CNTNAP5: variants seen among roughly 807,000 people sequenced by gnomAD.
CNTNAP5 encodes contactin-associated protein-like 5.
CNTNAP5 carries 72 observed loss-of-function variants against 150.2 expected under a neutral mutation model. The ratio of observed to expected loss-of-function variants is 0.48; its 90% CI spans 0.40 to 0.58. The LOEUF (loss-of-function observed/expected upper bound fraction) is 0.58, where lower values mean the gene tolerates loss of function less well. CNTNAP5 is among the 20% of genes least tolerant of loss of function. The pLI, the probability that CNTNAP5 is intolerant of heterozygous loss-of-function variation, is 0.00. For synonymous variants in CNTNAP5, 672 were observed against 619.8 expected, an observed-to-expected ratio of 1.08 and a Z score of -1.25; for missense variants, 1,636 against 1,626.2, an observed-to-expected ratio of 1.01 and a Z score of -0.10.
At chr2:124,853,576 T>TG (rs1677275510) in intron 19 of CNTNAP5, among the ~76,000 whole-genome samples, 1 of 152,232 alleles carries the variant, frequency 6.6e-6, no homozygotes, top group Non-Finnish European at 1.5e-5. Flanking sequence ...TATATCACTT[T>TG]TTGTTTTCCA....
At chr2:124,159,682 G>A (rs1684628744) in intron 1 of CNTNAP5, among the ~76,000 whole-genome samples, 1 of 152,126 alleles carries the variant, frequency 6.6e-6, no homozygotes, top group Admixed American at 6.5e-5. Flanking sequence ...GAAATTCTGT[G>A]ATTTCAGCAT....
intron 2 of CNTNAP5, among the ~76,000 whole-genome samples, chr2:124,233,949 T>C (rs1686685269): frequency 6.6e-6 from 1 of 151,928 alleles, no homozygotes; most frequent in African/African-American, 2.4e-5. Context: ...TAAAAGAAAA[T>C]TGCTCCAAGA....
chr2:124,035,827 G>C (rs1237024869), intron 1 of CNTNAP5, among the ~76,000 whole-genome samples: 1 of 149,240 alleles, frequency 6.7e-6, no homozygotes, highest in Non-Finnish European at 1.5e-5. Flanking sequence ...ATGTTTTCCA[G>C]TATTCCTGTG....
intron 3 of CNTNAP5, among the ~76,000 whole-genome samples, chr2:124,294,963 G>A (rs1251481051): frequency 3.3e-5 from 5 of 152,132 alleles, no homozygotes; most frequent in African/African-American, 1.2e-4. Flanking sequence ...AAAACTAGCT[G>A]GGTGTGGTGG....
rs572282892 is a variant in CNTNAP5 at position 124,707,349 on chromosome 2, C to G, written c.2078-39880C>G. On this transcript the variant is annotated intron_variant, in intron 13 of 23. Transcript: ENST00000682447. ...ATTCCTTCAAAAATTTCCATTAGAA[C>G]TTGAAATTGAGTTTTTTGTTTGTTT... Among the ~76,000 whole-genome samples the G allele has an allele frequency of 2.6e-5, 4 of 152,188 alleles. No individual in the cohort carries two copies. In the East Asian group the frequency reaches 5.8e-4, roughly 22 times the overall value.
rs1553427433 is a variant in CNTNAP5 at position 124,653,915 on chromosome 2, C to CCG, written c.2077+5958_2077+5959insGC. Among the ~76,000 whole-genome samples, 11 of 134,428 alleles carry CCG rather than the reference C, an allele frequency of 8.2e-5. 3 individuals are homozygous for CCG. Among genetic ancestry groups the CCG allele is most frequent in the African/African-American group, 2.0e-4 (7 of 35,696 alleles). 88.2% of individuals were successfully genotyped at this position (134,428 alleles called of 152,430 possible). A position where few individuals can be genotyped will look rare whatever the true frequency, so the allele number is the denominator to read the frequency against. ...AACATGCCCCCACTGCCCCCAACCC[C>CCG]CCCCCCCCGCCACACACACACAATC... is the stretch of plus-strand genomic sequence containing the variant. On this transcript the variant is annotated intron_variant, in intron 13 of 23. Coordinates refer to ENST00000682447, the MANE Select transcript of CNTNAP5 (RefSeq NM_001367498.1).
At chr2:124,859,776 G>A (rs1173881114) in intron 19 of CNTNAP5, among the ~76,000 whole-genome samples, 1 of 152,020 alleles carries the variant, frequency 6.6e-6, no homozygotes, top group Non-Finnish European at 1.5e-5. Flanking sequence ...GGATGAAGCT[G>A]GAAACCATCA....
At chr2:124,587,511 AT>A (rs1292995085) in intron 11 of CNTNAP5, among the ~76,000 whole-genome samples, 1 of 152,202 alleles carries the variant, frequency 6.6e-6, no homozygotes, top group African/African-American at 2.4e-5. Context: ...TCTAGTGTGC[AT>A]AAATATGTCC....
chr2:124,084,393 A>G (rs1320452714), intron 1 of CNTNAP5, among the ~76,000 whole-genome samples: 1 of 151,850 alleles, frequency 6.6e-6, no homozygotes, highest in Non-Finnish European at 1.5e-5. Flanking sequence ...CAGTCCCCCA[A>G]GTAGCTGGGA....
intron 13 of CNTNAP5, among the ~76,000 whole-genome samples, chr2:124,718,234 A>T (rs942245114): frequency 6.6e-6 from 1 of 152,220 alleles, no homozygotes; most frequent in Admixed American, 6.5e-5. Flanking sequence ...AAGTATTATT[A>T]TTCATTAATT....
At position 124,328,208 on chromosome 2, in the gene CNTNAP5, C is replaced by T. The variant is rs1573918924; in HGVS notation, c.381+85815C>T. On this transcript the variant is annotated intron_variant, in intron 3 of 23. Coordinates refer to ENST00000682447, the MANE Select transcript of CNTNAP5 (RefSeq NM_001367498.1). ...TTATCATATATAAGATAAATGAGTT[C>T]TAGCAAGTTGGTACTTTAGAGTAAA... Among the ~76,000 whole-genome samples the T allele has an allele frequency of 4.6e-5, 7 of 151,810 alleles. No individual in the cohort carries two copies. In the South Asian group the frequency reaches 1.2e-3, roughly 27 times the overall value.
intron 3 of CNTNAP5, among the ~76,000 whole-genome samples, chr2:124,399,760 C>T (rs931243612): frequency 6.6e-6 from 1 of 152,078 alleles, no homozygotes; most frequent in Non-Finnish European, 1.5e-5. Context: ...TCATATGCTG[C>T]CCATTCACTC....
chr2:124,777,483 A>C (rs1342504508), intron 17 of CNTNAP5, among the ~76,000 whole-genome samples: 1 of 152,004 alleles, frequency 6.6e-6, no homozygotes, highest in Non-Finnish European at 1.5e-5. Context: ...CCCGGGTACA[A>C]GCAATTCTCT....
Position 124,028,416 on chromosome 2 carries a change from T to C in CNTNAP5, c.82+2684T>C, listed in dbSNP as rs532254884. On this transcript the variant is annotated intron_variant, in intron 1 of 23. Transcript: ENST00000682447. ...TGAATGCTTGCCCAATTATAGATTTTATAAGTTTCTAATTAAACAAAATTA... is the reference window on the plus strand; with the variant it reads ...TGAATGCTTGCCCAATTATAGATTTCATAAGTTTCTAATTAAACAAAATTA... 7.4e-4 allele frequency among the ~76,000 whole-genome samples: 112 copies of C among 152,262 alleles called. 1 individual carries two copies. Among genetic ancestry groups the C allele is most frequent in the Admixed American group, 1.8e-3 (27 of 15,286 alleles).
chr2:124,260,896 G>C (rs1407189889), intron 3 of CNTNAP5, among the ~76,000 whole-genome samples: 3 of 152,062 alleles, frequency 2.0e-5, no homozygotes, highest in African/African-American at 7.2e-5. Context: ...TACACAAATG[G>C]AGTGCAATTG....
At position 124,918,557 on chromosome 2, in the gene CNTNAP5, G is replaced by A. The variant is rs1244141688; in HGVS notation, c.*4269G>A. On this transcript the variant is annotated 3_prime_UTR_variant, in exon 24 of 24. Coordinates refer to ENST00000682447, the MANE Select transcript of CNTNAP5 (RefSeq NM_001367498.1). ...CAGTCCAAGATATCCAGGGAGATGA[G>A]GATGAGACCTGTTGAATTTTTTCTT... Among the ~76,000 whole-genome samples the A allele has an allele frequency of 6.6e-6, 1 of 152,012 alleles. No individual in the cohort carries two copies. Among genetic ancestry groups the A allele is most frequent in the East Asian group, 1.9e-4 (1 of 5,152 alleles).
At chr2:124,786,863 G>A (rs1199578758) in intron 17 of CNTNAP5, among the ~76,000 whole-genome samples, 1 of 152,132 alleles carries the variant, frequency 6.6e-6, no homozygotes, top group Non-Finnish European at 1.5e-5. Flanking sequence ...TAAAGAAAAA[G>A]CAAACTTACT....
At chr2:124,180,556 A>G (rs539959841) in intron 1 of CNTNAP5, among the ~76,000 whole-genome samples, 1 of 152,336 alleles carries the variant, frequency 6.6e-6, no homozygotes, top group African/African-American at 2.4e-5. Flanking sequence ...CTAAATCTAC[A>G]TAAATTGAAA....
At chr2:124,398,410 G>A (rs1180870100) in intron 3 of CNTNAP5, among the ~76,000 whole-genome samples, 2 of 152,188 alleles carry the variant, frequency 1.3e-5, no homozygotes, top group Non-Finnish European at 2.9e-5. Flanking sequence ...GGAGAACACG[G>A]AAAGGAGAGA....
Sources: allele counts gnomAD v4.1 joint callset (sites outside exome capture counted in the v4.1 genomes callset), GRCh38; gene constraint gnomAD v4.1.1; transcripts MANE v1.5; gene names NCBI Gene and HGNC (gene_info 2026-07-23, HGNC 2026-07-21).